Variants in SH3BGR observed in about 807,000 individuals in gnomAD.
The protein encoded by SH3BGR is SH3 domain-binding glutamic acid-rich protein.
Under a neutral mutation model 24.5 loss-of-function variants are expected in SH3BGR, and 29 were observed. That is an observed-to-expected ratio of 1.18 (90% CI 0.88 to 1.61). SH3BGR has a LOEUF of 1.61. SH3BGR is among the 40% of genes most tolerant of loss of function. The pLI is 0.00. For synonymous variants in SH3BGR, 55 were observed against 65.7 expected (o/e 0.84, Z 0.79); for missense variants, 162 against 205.8 (o/e 0.79, Z 1.30).
intron 3 of SH3BGR, among the ~76,000 whole-genome samples, chr21:39,478,651 T>C (rs2078067058): frequency 6.6e-6 from 1 of 152,200 alleles, no homozygotes; most frequent in Non-Finnish European, 1.5e-5. Context: ...GGAATTCTTC[T>C]TATTTAAATG....
intron 3 of SH3BGR, among the ~76,000 whole-genome samples, chr21:39,489,906 T>G (rs2078271119): frequency 6.6e-6 from 1 of 152,180 alleles, no homozygotes. Context: ...ATCTAGGAGT[T>G]CTGGTATCAC....
At chr21:39,461,379 T>C (rs2077753026) in intron 1 of SH3BGR, among the ~76,000 whole-genome samples, 1 of 152,084 alleles carries the variant, frequency 6.6e-6, no homozygotes, top group Admixed American at 6.6e-5. Flanking sequence ...TCAGGTGATC[T>C]GTCCACCTTG....
At position 39,462,490 on chromosome 21, in the gene SH3BGR, C is replaced by T. The variant is rs756748853; in HGVS notation, c.161C>T (p.Pro54Leu). 5 of 1,609,910 alleles carry T rather than the reference C, an allele frequency of 3.1e-6. No homozygotes were observed. In the African/African-American group the frequency reaches 6.7e-5, roughly 22 times the overall value. Reference sequence around the variant, plus strand: ...AGGAGGTGGATGAGAGAGAATGTTCCTGGAGAGAAAAAACCTCAAAATGGG... The same window carrying T: ...AGGAGGTGGATGAGAGAGAATGTTCTTGGAGAGAAAAAACCTCAAAATGGG... ...DNRRWMRENV[P>L]GEKKPQNGIP... The change falls in exon 2 of 7, where the codon CCT becomes CTT. Residue 54 changes from proline (P) to leucine (L), a missense_variant. Coordinates refer to ENST00000333634, the MANE Select transcript of SH3BGR (RefSeq NM_007341.3).
intron 2 of SH3BGR, among the ~76,000 whole-genome samples, chr21:39,468,863 G>C (rs1429015200): frequency 6.6e-6 from 1 of 152,018 alleles, no homozygotes; most frequent in Non-Finnish European, 1.5e-5. Flanking sequence ...CTTTTAGAGA[G>C]CCTCTTGTTC....
At chr21:39,507,632 C>T (rs1375663007) in intron 4 of SH3BGR, among the ~76,000 whole-genome samples, 1 of 152,100 alleles carries the variant, frequency 6.6e-6, no homozygotes, top group Non-Finnish European at 1.5e-5. Flanking sequence ...TGTGCCTGGC[C>T]TACCTTCTGT....
rs2077865910 is a variant in SH3BGR at position 39,467,643 on chromosome 21, T to C, written c.231+5083T>C. On this transcript the variant is annotated intron_variant, in intron 2 of 6. Transcript: ENST00000333634. ...TGTTAGTCTAGATAGTCAATGTCTCTTTCTACATGATTAAAATGTATATAA... is the reference window on the plus strand; with the variant it reads ...TGTTAGTCTAGATAGTCAATGTCTCCTTCTACATGATTAAAATGTATATAA... 3.3e-5 allele frequency among the ~76,000 whole-genome samples: 5 copies of C among 152,340 alleles called. No homozygotes were observed. In the South Asian group the frequency reaches 8.3e-4, roughly 25 times the overall value.
intron 1 of SH3BGR, among the ~76,000 whole-genome samples, chr21:39,461,111 A>G (rs1166351958): frequency 1.3e-5 from 2 of 150,862 alleles, no homozygotes; most frequent in African/African-American, 4.9e-5. Flanking sequence ...AAAAGACAAC[A>G]TTACAACTCA....
intron 1 of SH3BGR, among the ~76,000 whole-genome samples, chr21:39,456,046 A>G (rs1316577862): frequency 6.6e-6 from 1 of 152,180 alleles, no homozygotes; most frequent in Non-Finnish European, 1.5e-5. Context: ...CCTTTCTAAT[A>G]GAAGAAACAT....
At chr21:39,485,967 C>T (rs924740822) in intron 3 of SH3BGR, among the ~76,000 whole-genome samples, 52 of 152,142 alleles carry the variant, frequency 3.4e-4, no homozygotes, top group African/African-American at 1.2e-3. Context: ...GGATTACAGG[C>T]GTGAGCCACC....
intron 3 of SH3BGR, among the ~76,000 whole-genome samples, chr21:39,490,739 ATTTTTT>A (rs55916184): frequency 2.1e-5 from 3 of 140,266 alleles, no homozygotes; most frequent in Admixed American, 7.0e-5. Context: ...GGTTTTGTGC[ATTTTTT>A]TTTTTTTTTT....
chr21:39,460,890 C>A (rs937015482), intron 1 of SH3BGR, among the ~76,000 whole-genome samples: 2 of 152,046 alleles, frequency 1.3e-5, no homozygotes, highest in African/African-American at 2.4e-5. Context: ...TGGGCTCAAG[C>A]AATCCTTTTG....
intron 4 of SH3BGR, among the ~76,000 whole-genome samples, chr21:39,505,744 A>G (rs780889248): frequency 2.0e-5 from 3 of 152,126 alleles, no homozygotes; most frequent in Non-Finnish European, 4.4e-5. Context: ...CAGTCTGGGC[A>G]ACGAGAGCAA....
intron 2 of SH3BGR, among the ~76,000 whole-genome samples, chr21:39,470,023 A>G (rs1480316492): frequency 6.6e-6 from 1 of 152,042 alleles, no homozygotes; most frequent in Admixed American, 6.6e-5. Flanking sequence ...TGACCCATGT[A>G]TTGAAATTAT....
chr21:39,485,747 G>C (rs1602129713), intron 3 of SH3BGR, among the ~76,000 whole-genome samples: 1 of 149,698 alleles, frequency 6.7e-6, no homozygotes, highest in Non-Finnish European at 1.5e-5. Context: ...GAGTGCAGTG[G>C]TGCGATCTCG....
chr21:39,476,666 A>G (rs2078032752), intron 3 of SH3BGR, among the ~76,000 whole-genome samples: 1 of 152,054 alleles, frequency 6.6e-6, no homozygotes, highest in African/African-American at 2.4e-5. Flanking sequence ...CCCAAGCTCA[A>G]TCTCTCGTCT....
At chr21:39,483,277 T>C (rs2078160315) in intron 3 of SH3BGR, among the ~76,000 whole-genome samples, 1 of 152,190 alleles carries the variant, frequency 6.6e-6, no homozygotes, top group Admixed American at 6.5e-5. Context: ...AGGATCAATC[T>C]CATATTTTCA....
intron 4 of SH3BGR, 32 bp from the exon 5 acceptor site, chr21:39,508,966 T>C: frequency 6.4e-7 from 1 of 1,571,928 alleles, no homozygotes; most frequent in Non-Finnish European, 8.7e-7. Flanking sequence ...TGAATTATGT[T>C]TTTTTCTTTA....
rs1327265479 is a variant in SH3BGR at position 39,515,231 on chromosome 21, GAAT to G, written c.*179_*181del. On this transcript the variant is annotated 3_prime_UTR_variant, in exon 7 of 7. Coordinates refer to ENST00000333634, the MANE Select transcript of SH3BGR (RefSeq NM_007341.3). Reference sequence around the variant, plus strand: ...TTAGATGTACATGGAGGTATCTCCCGAATCATACAAAATTAAATGTGAAGACCG... The same window carrying G: ...TTAGATGTACATGGAGGTATCTCCCGCATACAAAATTAAATGTGAAGACCG... 7.4e-6 allele frequency: 3 copies of G among 403,008 alleles called. No individual in the cohort carries two copies. The highest frequency in any genetic ancestry group is 1.5e-5 in the Non-Finnish European group (3 of 194,898). The allele number at this position is 403,008 out of a possible 1,614,324, so 25.0% of individuals were successfully genotyped here.
At chr21:39,505,987 A>G (rs1025753722) in intron 4 of SH3BGR, among the ~76,000 whole-genome samples, 13 of 152,198 alleles carry the variant, frequency 8.5e-5, no homozygotes, top group African/African-American at 2.9e-4. Context: ...CATATAATGA[A>G]TTTTATTCTG....
Sources: allele counts gnomAD v4.1 joint callset (sites outside exome capture counted in the v4.1 genomes callset), GRCh38; gene constraint gnomAD v4.1.1; transcripts MANE v1.5; gene names NCBI Gene and HGNC (gene_info 2026-07-23, HGNC 2026-07-21).